Variants in HDLBP observed in about 807,000 individuals in gnomAD.
The protein encoded by HDLBP is high density lipoprotein binding protein.
In HDLBP, 30 loss-of-function variants were observed where a neutral mutation model predicts 137.3. That is an observed-to-expected ratio of 0.22 (90% CI 0.16 to 0.30). The LOEUF is 0.30. HDLBP is among the 10% of genes least tolerant of loss of function. The pLI is 1.00. For missense variants in HDLBP, 1,119 were observed against 1,667.3 expected (o/e 0.67, Z 5.73); for synonymous variants, 606 against 596.0 (o/e 1.02, Z -0.24).
At chr2:241,280,818 T>C (rs1407215252) in intron 1 of HDLBP, among the ~76,000 whole-genome samples, 4 of 152,190 alleles carry the variant, frequency 2.6e-5, no homozygotes, top group African/African-American at 9.6e-5. Context: ...TCAAGGAAAA[T>C]GGTATCTAAA....
intron 1 of HDLBP, among the ~76,000 whole-genome samples, chr2:241,312,834 T>C (rs1248005870): frequency 2.6e-5 from 4 of 152,240 alleles, no homozygotes; most frequent in Non-Finnish European, 1.5e-5. Flanking sequence ...CGAAGGATCG[T>C]AAGATATCCC....
intron 1 of HDLBP, among the ~76,000 whole-genome samples, chr2:241,282,960 T>G (rs2074661551): frequency 6.6e-6 from 1 of 152,116 alleles, no homozygotes; most frequent in African/African-American, 2.4e-5. Flanking sequence ...AGAAGGCACG[T>G]GAAGAAGAGT....
chr2:241,235,323 G>A, intron 22 of HDLBP, 68 bp from the exon 23 acceptor site: 1 of 1,604,574 alleles, frequency 6.2e-7, no homozygotes, highest in Middle Eastern at 1.7e-4. Context: ...ATTGGCCCTG[G>A]GACCCAGAAG....
chr2:241,230,352 T>C lies in HDLBP; in HGVS notation c.3475-83A>G, dbSNP rs1444695611. On this transcript the variant is annotated intron_variant, in intron 25 of 27. Coordinates refer to ENST00000310931, the MANE Select transcript of HDLBP (RefSeq NM_005336.6). This position sits in a 1 kb window ranked among gnomAD's most constrained non-coding sequence, Gnocchi z 5.0. ...TTATGTGTCAATTTCTAGTGAAGCA[T>C]TTTCTGAGTTAGCAAACGTTTTAAA... is the stretch of plus-strand genomic sequence containing the variant. 1.1e-6 allele frequency: 1 copy of C among 878,854 alleles called. No homozygotes were observed. The highest frequency in any genetic ancestry group is 1.8e-6 in the Non-Finnish European group (1 of 555,522). The allele number at this position is 878,854 out of a possible 1,614,324, so 54.4% of individuals were successfully genotyped here. A position where few individuals can be genotyped will look rare whatever the true frequency, so the allele number is the denominator to read the frequency against.
At position 241,236,329 on chromosome 2, in the gene HDLBP, C is replaced by G. The variant is rs1401321391; in HGVS notation, c.2904+286G>C. 2.2e-5 allele frequency: 10 copies of G among 445,646 alleles called. 1 individual carries two copies. Among genetic ancestry groups the G allele is most frequent in the Non-Finnish European group, 4.1e-5 (10 of 246,912 alleles). 27.6% of individuals were successfully genotyped at this position (445,646 alleles called of 1,614,324 possible). On this transcript the variant is annotated intron_variant, in intron 21 of 27. Coordinates refer to ENST00000310931, the MANE Select transcript of HDLBP (RefSeq NM_005336.6). ...CACATTCATCCCCCTGCAGCTGAGA[C>G]CCTTCCACAGCCCCCGCACCCACCG... is the stretch of plus-strand genomic sequence containing the variant.
chr2:241,272,508 C>G lies in HDLBP; in HGVS notation c.-102-3967G>C, dbSNP rs1298253332. On this transcript the variant is annotated intron_variant, in intron 1 of 27. Coordinates refer to ENST00000310931, the MANE Select transcript of HDLBP (RefSeq NM_005336.6). This position sits in a 1 kb window ranked among gnomAD's most constrained non-coding sequence, Gnocchi z 5.6. ...GGACTTGAGAAAGTTTGTGCGCGCC[C>G]CTCCGCGCCACGGCCACGCGCAGAA... 5 of 984,602 alleles carry G rather than the reference C, an allele frequency of 5.1e-6. No homozygotes were observed. Among genetic ancestry groups the G allele is most frequent in the Non-Finnish European group, 6.0e-6 (5 of 829,712 alleles). The allele number at this position is 984,602 out of a possible 1,614,324, so 61.0% of individuals were successfully genotyped here. A position where few individuals can be genotyped will look rare whatever the true frequency, so the allele number is the denominator to read the frequency against.
At position 241,230,885 on chromosome 2, in the gene HDLBP, A is replaced by G; in HGVS notation, c.3348T>C (p.Ala1116=). ...YEKNTEAARD[A]ILRIVGELEQ... ...CAAGTTCACCCACAATTCTCAGTAT[A>G]GCATCCCTGGCAGCTTCTGTGTTCT... Residue 1116 remains alanine, a synonymous_variant, in exon 25 of 28, where the codon GCT becomes GCC. Coordinates refer to ENST00000310931, the MANE Select transcript of HDLBP (RefSeq NM_005336.6). This position sits in a 1 kb window ranked among gnomAD's most constrained non-coding sequence, Gnocchi z 5.0. 1 of 1,614,214 alleles carries G rather than the reference A, an allele frequency of 6.2e-7. No homozygotes were observed. The highest frequency in any genetic ancestry group is 8.5e-7 in the Non-Finnish European group (1 of 1,180,024).
At chr2:241,253,283 C>A in intron 10 of HDLBP, 110 bp downstream of exon 10, 1 of 819,174 alleles carries the variant, frequency 1.2e-6, no homozygotes, top group South Asian at 1.4e-5. Context: ...CTAGGATGCC[C>A]TGGGTGTCTG....
chr2:241,302,575 C>T (rs185886735), intron 1 of HDLBP: 3 of 152,278 alleles, frequency 2.0e-5, no homozygotes, highest in Admixed American at 1.3e-4. Flanking sequence ...AAATAAATGA[C>T]CCCCTTTAAA....
At chr2:241,298,355 G>A (rs1333047257) in intron 1 of HDLBP, among the ~76,000 whole-genome samples, 1 of 151,948 alleles carries the variant, frequency 6.6e-6, no homozygotes, top group East Asian at 1.9e-4. Flanking sequence ...GACAGAGTGA[G>A]ACTCAGTCTG....
chr2:241,258,215 C>A (rs1049185060), intron 5 of HDLBP, among the ~76,000 whole-genome samples: 1 of 151,982 alleles, frequency 6.6e-6, no homozygotes, highest in East Asian at 1.9e-4. Flanking sequence ...AGCATGGTGG[C>A]AGGCGCCTGT....
rs147108379 is a variant in HDLBP, at chr2:241,274,433, G to C, written c.-102-5892C>G. 5.1e-3 allele frequency among the ~76,000 whole-genome samples: 776 copies of C among 152,314 alleles called. 4 individuals are homozygous for C. Among genetic ancestry groups the C allele is most frequent in the African/African-American group, 0.018 (742 of 41,560 alleles). ...TTCTGTGTCACTGCTGTGGTTTGTT[G>C]GTAACCTTTCCGTGGGGATTAACCA... On this transcript the variant is annotated intron_variant, in intron 1 of 27. Transcript: ENST00000310931.
chr2:241,280,043 A>C, intron 1 of HDLBP: 1 of 985,376 alleles, frequency 1.0e-6, no homozygotes, highest in Non-Finnish European at 1.2e-6. Context: ...TGTGGAGGAC[A>C]GGCGCCCACC....
chr2:241,252,897 A>T (rs2072309622), intron 11 of HDLBP, 60 bp downstream of exon 11: 3 of 1,149,988 alleles, frequency 2.6e-6, no homozygotes. Context: ...CTCACAGCTG[A>T]CACCCCCCAC....
chr2:241,244,876 T>C (rs1302939194), intron 16 of HDLBP, among the ~76,000 whole-genome samples: 1 of 152,216 alleles, frequency 6.6e-6, no homozygotes, highest in Non-Finnish European at 1.5e-5. Context: ...CATGACATCA[T>C]GGTGGCTGAG....
intron 1 of HDLBP, among the ~76,000 whole-genome samples, chr2:241,280,621 C>T (rs975846935): frequency 7.2e-5 from 11 of 152,036 alleles, no homozygotes; most frequent in African/African-American, 2.2e-4. Flanking sequence ...GTGTTTTATC[C>T]GAGTCATTAT....
Position 241,256,453 on chromosome 2 carries a change from A to C in HDLBP, c.658-54T>G, listed in dbSNP as rs577684816. ...ACAGGCCTTTGAAAACAAACTGGGG[A>C]CAGACAGGGCTTTTTAGAGTTGGAG... On this transcript the variant is annotated intron_variant, in intron 6 of 27. Coordinates refer to ENST00000310931, the MANE Select transcript of HDLBP (RefSeq NM_005336.6). The C allele has an allele frequency of 1.4e-5, 22 of 1,532,748 alleles. No individual in the cohort carries two copies. The African/African-American group carries it at 2.7e-4, about 19-fold the overall frequency. The allele number at this position is 1,532,748 out of a possible 1,614,324, so 94.9% of individuals were successfully genotyped here.
At chr2:241,249,578 C>G (rs1237699131) in intron 12 of HDLBP, among the ~76,000 whole-genome samples, 1 of 152,254 alleles carries the variant, frequency 6.6e-6, no homozygotes, top group East Asian at 1.9e-4. Flanking sequence ...TCTGGGCACC[C>G]AGGGTGTGGC....
chr2:241,274,045 T>A (rs1427545892), intron 1 of HDLBP, among the ~76,000 whole-genome samples: 2 of 151,980 alleles, frequency 1.3e-5, no homozygotes, highest in Admixed American at 6.6e-5. Context: ...AAGAGGGGTG[T>A]AAAAGAAGTT....
Sources: allele counts gnomAD v4.1 joint callset (sites outside exome capture counted in the v4.1 genomes callset), GRCh38; gene constraint gnomAD v4.1.1; non-coding constraint Gnocchi (gnomAD v3.1); transcripts MANE v1.5; gene names NCBI Gene and HGNC (gene_info 2026-07-23, HGNC 2026-07-21).